The following BICRA variants were observed in gnomAD, a reference collection of about 807,000 sequenced individuals.
BICRA encodes the protein BRD4 interacting chromatin remodeling complex associated protein.
In BICRA, 31 loss-of-function variants were observed where a neutral mutation model predicts 96.9. That is an observed-to-expected ratio of 0.32 (90% CI 0.24 to 0.43). The LOEUF is 0.43. Among genes scored for constraint, BICRA ranks in the 20% least tolerant of loss-of-function variants. The pLI, the probability that BICRA is intolerant of heterozygous loss-of-function variation, is 1.00. For missense variants in BICRA, 2,283 were observed against 2,190.3 expected, an observed-to-expected ratio of 1.04 and a Z score of -0.84; for synonymous variants, 1,350 against 1,071.8, an observed-to-expected ratio of 1.26 and a Z score of -5.07.
At chr19:47,662,415 C>G (rs1972717327) in intron 1 of BICRA, 2 of 152,462 alleles carry the variant, frequency 1.3e-5, no homozygotes, top group Non-Finnish European at 2.9e-5. Context: ...TTGGCTCATG[C>G]CTGTAATCCC....
chr19:47,621,251 C>T (rs917213836), intron 1 of BICRA, among the ~76,000 whole-genome samples: 1 of 152,010 alleles, frequency 6.6e-6, no homozygotes, highest in Admixed American at 6.6e-5. Context: ...GTGAAAAATG[C>T]GCATCTTGGA....
At chr19:47,670,140 AG>A (rs1439915654) in intron 1 of BICRA, among the ~76,000 whole-genome samples, 1 of 150,516 alleles carries the variant, frequency 6.6e-6, no homozygotes, top group Non-Finnish European at 1.5e-5. Context: ...TGTAGAGACA[AG>A]ATCTCCCTGT....
chr19:47,621,875 T>C (rs1352735168), intron 1 of BICRA, among the ~76,000 whole-genome samples: 1 of 152,106 alleles, frequency 6.6e-6, no homozygotes, highest in Non-Finnish European at 1.5e-5. Flanking sequence ...CACTGCAACC[T>C]CCACCTCCCA....
At chr19:47,658,756 C>A (rs925720502) in intron 1 of BICRA, among the ~76,000 whole-genome samples, 1 of 152,038 alleles carries the variant, frequency 6.6e-6, no homozygotes, top group African/African-American at 2.4e-5. Flanking sequence ...CAGGCCGCAC[C>A]GGGACCTGCC....
chr19:47,695,342 T>TCGGGGGGGGGCCCCC, intron 9 of BICRA, 23 bp from the exon 10 acceptor site: 2 of 630,200 alleles, frequency 3.2e-6, no homozygotes, highest in Non-Finnish European at 5.7e-6. Context: ...AGGCCCTGTC[T>TCGGGGGGGGGCCCCC]CCCCCACCCC....
In BICRA at chr19:47,680,727, C is replaced by G. The variant is rs779334149; in HGVS notation, c.1557C>G (p.Asn519Lys). The G allele has an allele frequency of 6.2e-7, 1 of 1,603,768 alleles. No homozygotes were observed. The highest frequency in any genetic ancestry group is 8.5e-7 in the Non-Finnish European group (1 of 1,176,076). The change falls in exon 6 of 15, where the codon AAC (asparagine) becomes AAG (lysine). Residue 519 changes from asparagine to lysine, a missense_variant. By Grantham distance (94) the Asn-to-Lys change is moderately conservative (BLOSUM62 0). Transcript: ENST00000594866. ...LIANPILTNQ[N>K]LAGPLSLGPV... ...CGAACCCCATCCTCACAAACCAGAA[C>G]CTGGCGGGCCCACTGAGCCTGGGCC...
At chr19:47,619,701 C>G (rs1972037117) in intron 1 of BICRA, among the ~76,000 whole-genome samples, 2 of 152,046 alleles carry the variant, frequency 1.3e-5, no homozygotes, top group African/African-American at 4.8e-5. Context: ...AGTCCGAGAC[C>G]AGCCTAGGCA....
At chr19:47,683,529 T>C (rs1750132969) in intron 7 of BICRA, among the ~76,000 whole-genome samples, 1 of 152,184 alleles carries the variant, frequency 6.6e-6, no homozygotes, top group Non-Finnish European at 1.5e-5. Flanking sequence ...GCCTTTTGTC[T>C]TAAAGTAATA....
chr19:47,684,618 C>T (rs567431932), intron 7 of BICRA, among the ~76,000 whole-genome samples: 48 of 152,320 alleles, frequency 3.2e-4, no homozygotes, highest in African/African-American at 1.2e-3. Context: ...CCGCGCCCGG[C>T]CTAGCACTCT....
At chr19:47,634,610 A>G (rs1972270843) in intron 1 of BICRA, among the ~76,000 whole-genome samples, 1 of 152,014 alleles carries the variant, frequency 6.6e-6, no homozygotes, top group Non-Finnish European at 1.5e-5. Flanking sequence ...CCAGGAAGAA[A>G]CCCATAAAAA....
intron 1 of BICRA, among the ~76,000 whole-genome samples, chr19:47,624,234 C>T (rs1285498157): frequency 6.6e-6 from 1 of 151,934 alleles, no homozygotes; most frequent in African/African-American, 2.4e-5. Flanking sequence ...TATCTCCTAC[C>T]CTTTTCATCT....
chr19:47,651,592 A>G (rs1972541981), intron 1 of BICRA, among the ~76,000 whole-genome samples: 1 of 152,130 alleles, frequency 6.6e-6, no homozygotes, highest in Admixed American at 6.6e-5. Flanking sequence ...TCCCAGCACC[A>G]TCGGGAAAGC....
intron 1 of BICRA, among the ~76,000 whole-genome samples, chr19:47,617,168 G>T (rs1466199434): frequency 1.3e-5 from 2 of 152,120 alleles, no homozygotes; most frequent in South Asian, 2.1e-4. Flanking sequence ...TAGAGACAAG[G>T]TCTTGCTATA....
chr19:47,654,428 AT>A (rs535752257), intron 1 of BICRA, among the ~76,000 whole-genome samples: 4 of 152,100 alleles, frequency 2.6e-5, no homozygotes, highest in Non-Finnish European at 5.9e-5. Flanking sequence ...AAAAAAAAAA[AT>A]CAACCTGTTT....
At chr19:47,635,929 A>C (rs1404657967) in intron 1 of BICRA, among the ~76,000 whole-genome samples, 1 of 152,334 alleles carries the variant, frequency 6.6e-6, no homozygotes, top group African/African-American at 2.4e-5. Context: ...AAAATGCCCC[A>C]AAATCTGAAA....
chr19:47,640,649 G>A (rs187917870), intron 1 of BICRA, among the ~76,000 whole-genome samples: 2 of 152,250 alleles, frequency 1.3e-5, no homozygotes, highest in Admixed American at 1.3e-4. Flanking sequence ...GGGAATGGGG[G>A]CAGAGAGGGC....
At chr19:47,626,307 T>C (rs2123516794) in intron 1 of BICRA, 1 of 152,418 alleles carries the variant, frequency 6.6e-6, no homozygotes, top group Non-Finnish European at 1.5e-5. Context: ...ATTAAGTGAC[T>C]TGCCCAGAGC....
intron 1 of BICRA, among the ~76,000 whole-genome samples, chr19:47,648,444 G>T (rs1358592576): frequency 6.6e-6 from 1 of 151,860 alleles, no homozygotes; most frequent in Non-Finnish European, 1.5e-5. Flanking sequence ...CACCACTCTT[G>T]GGGGAGCCAG....
rs987474988 is a variant in BICRA, at chr19:47,676,866, C to T, written c.150+950C>T. Among the ~76,000 whole-genome samples, 3 of 151,948 alleles carry T rather than the reference C, an allele frequency of 2.0e-5. No homozygotes were observed. The South Asian group carries it at 6.2e-4, about 32-fold the overall frequency. ...ACCACGACCATCATTTTTGTATACCCTAAGATCCCCATTCAGGTTCTAAAC... is the reference window on the plus strand; with the variant it reads ...ACCACGACCATCATTTTTGTATACCTTAAGATCCCCATTCAGGTTCTAAAC... On this transcript the variant is annotated intron_variant, in intron 5 of 14. Transcript: ENST00000594866.
Sources: gnomAD v4.1 joint callset for allele counts (sites outside exome capture counted in the v4.1 genomes callset) on GRCh38, gnomAD v4.1.1 for gene constraint, MANE v1.5 for transcripts, NCBI Gene and HGNC (gene_info 2026-07-23, HGNC 2026-07-21) for gene names.